The following RNF2 variants were observed in gnomAD, a reference collection of about 807,000 sequenced individuals.
The protein encoded by RNF2 is E3 ubiquitin-protein ligase RING2.
A neutral mutation model predicts 37.2 loss-of-function variants in RNF2; 6 were observed. The observed-to-expected ratio is 0.16, with a 90% CI of 0.09 to 0.32. The LOEUF is 0.32. RNF2 is among the 10% of genes least tolerant of loss of function. The pLI, the probability that RNF2 is intolerant of heterozygous loss-of-function variation, is 1.00. For synonymous variants in RNF2, 133 were observed against 132.7 expected, an observed-to-expected ratio of 1.00 and a Z score of -0.02; for missense variants, 251 against 404.0, an observed-to-expected ratio of 0.62 and a Z score of 3.25.
At chr1:185,050,766 T>A (rs182332972) in intron 1 of RNF2, among the ~76,000 whole-genome samples, 5 of 152,330 alleles carry the variant, frequency 3.3e-5, no homozygotes, top group African/African-American at 1.2e-4. Context: ...GATCTAAAAA[T>A]GGGGCTTTGG....
At chr1:185,062,810 T>TCCC (rs556635205) in intron 1 of RNF2, among the ~76,000 whole-genome samples, 6 of 134,280 alleles carry the variant, frequency 4.5e-5, no homozygotes, top group African/African-American at 1.8e-4. Context: ...TTGGTAGACC[T>TCCC]CCCCCCCCCC....
At chr1:185,059,594 T>C (rs1244773952) in intron 1 of RNF2, among the ~76,000 whole-genome samples, 1 of 152,170 alleles carries the variant, frequency 6.6e-6, no homozygotes, top group East Asian at 1.9e-4. Context: ...GCAGCAGACA[T>C]CTTCATGTTA....
chr1:185,093,690 CAATT>C (rs1258970470), intron 4 of RNF2, among the ~76,000 whole-genome samples: 1 of 152,204 alleles, frequency 6.6e-6, no homozygotes, highest in Non-Finnish European at 1.5e-5. Context: ...GCATTTGACA[CAATT>C]AATTTCTCCC....
rs770354678 is a variant in RNF2 at position 185,087,660 on chromosome 1, C to T, written c.87+20C>T. The T allele has an allele frequency of 6.4e-7, 1 of 1,567,090 alleles. No homozygotes were observed. The highest frequency in any genetic ancestry group is 8.8e-7 in the Non-Finnish European group (1 of 1,137,472). On this transcript the variant is annotated intron_variant, in intron 2 of 6. Transcript: ENST00000367510. ...CCTCAGGTAATGACTAAGATGACTG[C>T]CAAGGGGCATATGAGACGTGTAAAC...
intron 1 of RNF2, among the ~76,000 whole-genome samples, chr1:185,087,174 C>A (rs1274607094): frequency 6.6e-6 from 1 of 152,150 alleles, no homozygotes; most frequent in Non-Finnish European, 1.5e-5. Context: ...ATCCATTTAG[C>A]CTGCTATAAA....
chr1:185,079,334 A>G (rs115313596), intron 1 of RNF2, among the ~76,000 whole-genome samples: 2,988 of 152,248 alleles, frequency 0.02, 44 homozygotes, highest in Middle Eastern at 0.031. Context: ...ACTGGACCCC[A>G]CCAGACCAGA....
At chr1:185,061,614 G>A (rs1360661154) in intron 1 of RNF2, among the ~76,000 whole-genome samples, 1 of 152,150 alleles carries the variant, frequency 6.6e-6, no homozygotes, top group Non-Finnish European at 1.5e-5. Context: ...AAAACGGCAG[G>A]AATCATTAGC....
At chr1:185,082,345 C>CTTTTTTT (rs3036553) in intron 1 of RNF2, among the ~76,000 whole-genome samples, 746 of 71,916 alleles carry the variant, frequency 0.01, 136 homozygotes, top group East Asian at 0.027. Flanking sequence ...CTCTGCAGAA[C>CTTTTTTT]TTTTTTTTTT....
Position 185,054,863 on chromosome 1 carries a change from A to AT in RNF2, c.-3+9222dup, listed in dbSNP as rs1442667328. 1.5e-4 allele frequency among the ~76,000 whole-genome samples: 22 copies of AT among 151,480 alleles called. 1 individual carries two copies. In the South Asian group the frequency reaches 3.1e-3, roughly 22 times the overall value. On this transcript the variant is annotated intron_variant, in intron 1 of 6. Transcript: ENST00000367510. ...CAGGCGGGCGCCGCCACGCCCGGCT[A>AT]TTTTTTTTCTATTTTTGGTGGAGAC...
At chr1:185,087,693 C>T (rs1310585698) in intron 2 of RNF2, 53 bp downstream of exon 2, 1 of 1,301,766 alleles carries the variant, frequency 7.7e-7, no homozygotes, top group South Asian at 1.2e-5. Context: ...AACTGGGATA[C>T]ATTTTTAGAA....
intron 4 of RNF2, 104 bp from the exon 5 acceptor site, chr1:185,097,968 A>C: frequency 2.5e-6 from 3 of 1,197,792 alleles, no homozygotes; most frequent in Non-Finnish European, 3.5e-6. Context: ...TTCAGTTACC[A>C]GTATTTTTTG....
intron 1 of RNF2, among the ~76,000 whole-genome samples, chr1:185,072,381 T>G (rs1283318876): frequency 6.6e-6 from 1 of 152,082 alleles, no homozygotes; most frequent in Non-Finnish European, 1.5e-5. Context: ...ATATGCCAGG[T>G]ACAGTGCAAG....
At chr1:185,053,942 A>G (rs1024095166) in intron 1 of RNF2, among the ~76,000 whole-genome samples, 1 of 152,128 alleles carries the variant, frequency 6.6e-6, no homozygotes, top group Non-Finnish European at 1.5e-5. Flanking sequence ...GATGTTAGTA[A>G]CCCGGATTGA....
At chr1:185,091,945 A>C in intron 3 of RNF2, 2 of 418,154 alleles carry the variant, frequency 4.8e-6, no homozygotes, top group Middle Eastern at 1.3e-3. Context: ...CCTCCAGAGT[A>C]GCTGGGATTA....
chr1:185,095,349 A>G (rs1259460748), intron 4 of RNF2, among the ~76,000 whole-genome samples: 4 of 152,222 alleles, frequency 2.6e-5, no homozygotes, highest in Non-Finnish European at 5.9e-5. Flanking sequence ...CTCACCAAGC[A>G]TGCTTCTGCC....
intron 4 of RNF2, among the ~76,000 whole-genome samples, chr1:185,094,411 G>T (rs1429869949): frequency 6.6e-6 from 1 of 152,136 alleles, no homozygotes; most frequent in African/African-American, 2.4e-5. Context: ...AAAGTGCTGA[G>T]ATTACAGGTG....
intron 6 of RNF2, 61 bp downstream of exon 6, chr1:185,100,023 G>A: frequency 6.8e-7 from 1 of 1,468,662 alleles, no homozygotes; most frequent in Non-Finnish European, 9.4e-7. Context: ...TAACTGAGTG[G>A]CAAGTGGTGG....
At chr1:185,072,175 T>G (rs1571307709) in intron 1 of RNF2, 1 of 151,974 alleles carries the variant, frequency 6.6e-6, no homozygotes, top group South Asian at 2.1e-4. Flanking sequence ...CTGGCTAGGG[T>G]GGGGGTTCCA....
chr1:185,087,120 T>C (rs1312338179), intron 1 of RNF2, among the ~76,000 whole-genome samples: 1 of 152,244 alleles, frequency 6.6e-6, no homozygotes, highest in Admixed American at 6.5e-5. Context: ...TTCTCAAGAT[T>C]AACAATTCCT....
Sources: allele counts gnomAD v4.1 joint callset (sites outside exome capture counted in the v4.1 genomes callset), GRCh38; gene constraint gnomAD v4.1.1; transcripts MANE v1.5; gene names NCBI Gene and HGNC (gene_info 2026-07-23, HGNC 2026-07-21).